Variants in CCDC150 observed in about 807,000 individuals in gnomAD.
The protein encoded by CCDC150 is coiled-coil domain containing 150, also known as coiled-coil domain-containing protein 150.
Under a neutral mutation model 156.5 loss-of-function variants are expected in CCDC150, and 151 were observed. The ratio of observed to expected loss-of-function variants is 0.97; its 90% confidence interval spans 0.85 to 1.10. The LOEUF is 1.10. Among genes scored for constraint, CCDC150 ranks in the 50% least tolerant of loss-of-function variants. The probability of loss-of-function intolerance (pLI) is 0.00; values close to 1 mark genes in which losing one functional copy is unlikely to be tolerated. For synonymous variants in CCDC150, 452 were observed against 429.4 expected (o/e 1.05, Z -0.65); for missense variants, 1,312 against 1,268.1 (o/e 1.03, Z -0.53).
chr2:196,725,077 T>G lies in CCDC150; in HGVS notation c.2430-896T>G, dbSNP rs1312983065. Among the ~76,000 whole-genome samples, 4 of 152,278 alleles carry G rather than the reference T, an allele frequency of 2.6e-5. 1 individual carries two copies. Among genetic ancestry groups the G allele is most frequent in the South Asian group, 4.1e-4 (2 of 4,830 alleles). On this transcript the variant is annotated intron_variant, in intron 21 of 27. Coordinates refer to ENST00000389175, the MANE Select transcript of CCDC150 (RefSeq NM_001080539.2). ...CAAGTGGAGAAACTGAATCCATTAGTAGATGTGCTTTTAGAGACACGTGGA... is the reference window on the plus strand; with the variant it reads ...CAAGTGGAGAAACTGAATCCATTAGGAGATGTGCTTTTAGAGACACGTGGA...
Position 196,695,132 on chromosome 2 carries a change from TCAG to T in CCDC150, c.1599_1601del (p.Gln534del). The stretch of plus-strand genomic sequence containing the variant: ...CAGATCAAATGGCTTCCCTAGAACT[TCAG>T]CAAGTCACTTCTGATTACCATGGGG... On this transcript the variant is annotated inframe_deletion, in exon 14 of 28. Transcript: ENST00000389175. The T allele has an allele frequency of 6.2e-7, 1 of 1,608,816 alleles. No individual in the cohort carries two copies. Among genetic ancestry groups the T allele is most frequent in the South Asian group, 1.1e-5 (1 of 90,874 alleles).
intron 27 of CCDC150, 39 bp downstream of exon 27, chr2:196,732,191 T>A (rs1698554882): frequency 6.2e-7 from 1 of 1,609,700 alleles, no homozygotes; most frequent in African/African-American, 1.3e-5. Flanking sequence ...AATTTTCTAC[T>A]TGTTGCTTCT....
At position 196,729,981 on chromosome 2, in the gene CCDC150, T is replaced by C. The variant is rs759941149; in HGVS notation, c.2845T>C (p.Cys949Arg). ...GTCTTTGAGTATCCAGAGATTTGTG[T>C]GTGAAATGACTAACCTGCAGAAAGA... Reference protein sequence around the residue: ...EQSLSIQRFVCEMTNLQKEMQ... With the variant: ...EQSLSIQRFVREMTNLQKEMQ... The change falls in exon 25 of 28, where the codon TGT becomes CGT. Residue 949 changes from cysteine to arginine, a missense_variant. Transcript: ENST00000389175. 1.2e-6 allele frequency: 2 copies of C among 1,613,290 alleles called. No homozygotes were observed. The highest frequency in any genetic ancestry group is 3.3e-5 in the Admixed American group (2 of 59,892).
In CCDC150 at chr2:196,657,063, A is replaced by G. The variant is rs1458673262; in HGVS notation, c.503A>G (p.Lys168Arg). The change falls in exon 4 of 28, where the codon AAA becomes AGA. Residue 168 changes from lysine to arginine, a missense_variant. By Grantham distance (26) the Lys-to-Arg change is conservative. Transcript: ENST00000389175. The stretch of plus-strand genomic sequence containing the variant: ...TTGCGCCAGCAACTGAGAGCTGTAA[A>G]AGAGGAAGAAGACAAGGCACAAGAT... The part of the protein sequence containing the change: ...MNLRQQLRAV[K>R]EEEDKAQDEV... 1.9e-6 allele frequency: 3 copies of G among 1,613,764 alleles called. No homozygotes were observed. In the East Asian group the frequency reaches 6.7e-5, roughly 36 times the overall value.
chr2:196,642,519 G>A (rs140932502), intron 1 of CCDC150, among the ~76,000 whole-genome samples: 1 of 152,268 alleles, frequency 6.6e-6, no homozygotes, highest in East Asian at 1.9e-4. Flanking sequence ...TGGATTGAAA[G>A]TTCTTATCTC....
chr2:196,679,859 A>G (rs1290551024), intron 13 of CCDC150, among the ~76,000 whole-genome samples: 2 of 152,202 alleles, frequency 1.3e-5, no homozygotes, highest in African/African-American at 4.8e-5. Flanking sequence ...TTCTCCAATG[A>G]CTAATAATAT....
At position 196,712,691 on chromosome 2, in the gene CCDC150, C is replaced by T; in HGVS notation, c.1818C>T (p.Leu606=). ...QTKYAQANSE[L]SAKRVHLQQA... ...TTGAATTAAAGGCAAACTCAGAACT[C>T]AGTGCCAAGAGGGTACACCTGCAGC... Residue 606 remains leucine, a synonymous_variant, in exon 17 of 28, where the codon CTC becomes CTT. Transcript: ENST00000389175. 2 of 1,610,274 alleles carry T rather than the reference C, an allele frequency of 1.2e-6. No individual in the cohort carries two copies. Among genetic ancestry groups the T allele is most frequent in the East Asian group, 4.5e-5 (2 of 44,814 alleles).
chr2:196,712,821 C>T (rs1050126181), intron 17 of CCDC150, 82 bp downstream of exon 17: 15 of 1,030,520 alleles, frequency 1.5e-5, no homozygotes, highest in Admixed American at 4.8e-5. Context: ...AATATTTTAA[C>T]GAATGAATAG....
intron 8 of CCDC150, among the ~76,000 whole-genome samples, chr2:196,671,909 A>G (rs1011260406): frequency 6.6e-6 from 1 of 152,166 alleles, no homozygotes; most frequent in Non-Finnish European, 1.5e-5. Context: ...CCTTTGGGTA[A>G]ATCCCAAGGA....
chr2:196,717,448 G>A (rs1255224677), intron 17 of CCDC150, among the ~76,000 whole-genome samples: 1 of 152,066 alleles, frequency 6.6e-6, no homozygotes. Context: ...ATATACACAT[G>A]CATCCACACA....
At chr2:196,667,289 A>G (rs1693905757) in intron 7 of CCDC150, 1 of 202,444 alleles carries the variant, frequency 4.9e-6, no homozygotes, top group Admixed American at 5.3e-5. Context: ...GTTAACCTAT[A>G]TTTGTAGAGA....
chr2:196,676,238 G>T lies in CCDC150; in HGVS notation c.1233G>T (p.Gln411His), dbSNP rs1269908282. 2 of 1,613,596 alleles carry T rather than the reference G, an allele frequency of 1.2e-6. No individual in the cohort carries two copies. The highest frequency in any genetic ancestry group is 2.2e-5 in the East Asian group (1 of 44,854). Reference protein sequence around the residue: ...ASITNELQTVQNEKTQLQAHL... With the variant: ...ASITNELQTVHNEKTQLQAHL... Reference sequence around the variant, plus strand: ...TCACAAATGAACTACAGACTGTTCAGAATGAGAAAACCCAACTCCAGGCAC... The same window carrying T: ...TCACAAATGAACTACAGACTGTTCATAATGAGAAAACCCAACTCCAGGCAC... Residue 411 changes from glutamine to histidine, a missense_variant, in exon 11 of 28, where the codon CAG (glutamine) becomes CAT (histidine). Gln to His is a conservative substitution (Grantham distance 24). Coordinates refer to ENST00000389175, the MANE Select transcript of CCDC150 (RefSeq NM_001080539.2).
At chr2:196,680,040 T>C (rs1694728926) in intron 13 of CCDC150, among the ~76,000 whole-genome samples, 1 of 152,156 alleles carries the variant, frequency 6.6e-6, no homozygotes, top group Non-Finnish European at 1.5e-5. Context: ...TTTTGTCAGA[T>C]ATGTGTTTTA....
intron 2 of CCDC150, among the ~76,000 whole-genome samples, chr2:196,649,119 G>A (rs1692724073): frequency 6.6e-6 from 1 of 152,042 alleles, no homozygotes. Flanking sequence ...GCTATTTTGG[G>A]GGTCTTTTGT....
chr2:196,701,001 T>G, intron 14 of CCDC150, 108 bp from the exon 15 acceptor site: 4 of 713,722 alleles, frequency 5.6e-6, no homozygotes, highest in Non-Finnish European at 9.3e-6. Context: ...ATAGGAATCT[T>G]GATCTTATGA....
At chr2:196,666,065 A>G (rs1693822707) in intron 6 of CCDC150, among the ~76,000 whole-genome samples, 1 of 152,190 alleles carries the variant, frequency 6.6e-6, no homozygotes, top group South Asian at 2.1e-4. Flanking sequence ...TATATGTCTG[A>G]CATGGATAGA....
intron 21 of CCDC150, among the ~76,000 whole-genome samples, chr2:196,724,065 G>A (rs1698076589): frequency 1.3e-5 from 2 of 152,180 alleles, no homozygotes; most frequent in African/African-American, 4.8e-5. Context: ...TTCTTCCTTT[G>A]GGACTAGCGG....
intron 13 of CCDC150, among the ~76,000 whole-genome samples, chr2:196,687,374 T>A (rs1019326464): frequency 1.3e-5 from 2 of 152,254 alleles, no homozygotes; most frequent in Non-Finnish European, 2.9e-5. Flanking sequence ...TGTTCAGTGA[T>A]GTTGAGCTTT....
At chr2:196,704,047 G>T (rs1362833106) in intron 15 of CCDC150, among the ~76,000 whole-genome samples, 1 of 152,172 alleles carries the variant, frequency 6.6e-6, no homozygotes, top group African/African-American at 2.4e-5. Context: ...ACTCTTACAA[G>T]ACAATTTAAA....
Sources: allele counts gnomAD v4.1 joint callset (sites outside exome capture counted in the v4.1 genomes callset), GRCh38; gene constraint gnomAD v4.1.1; transcripts MANE v1.5; gene names NCBI Gene and HGNC (gene_info 2026-07-23, HGNC 2026-07-21).